EDIL3: variants seen among roughly 807,000 people sequenced by gnomAD.
EDIL3 encodes the protein EGF-like repeat and discoidin I-like domain-containing protein 3.
A neutral mutation model predicts 67.4 loss-of-function variants in EDIL3; 37 were observed. The observed-to-expected ratio is 0.55, with a 90% CI of 0.42 to 0.72. The LOEUF (loss-of-function observed/expected upper bound fraction) is 0.72, where lower values mean the gene tolerates loss of function less well. Among genes scored for constraint, EDIL3 ranks in the 30% least tolerant of loss-of-function variants. The probability of loss-of-function intolerance (pLI) is 0.00; values close to 1 mark genes in which losing one functional copy is unlikely to be tolerated. For synonymous variants in EDIL3, 195 were observed against 196.3 expected (o/e 0.99, Z 0.05); for missense variants, 527 against 586.3 (o/e 0.90, Z 1.04).
chr5:84,200,353 A>C (rs1743805870), intron 3 of EDIL3, among the ~76,000 whole-genome samples: 1 of 151,900 alleles, frequency 6.6e-6, no homozygotes, highest in Non-Finnish European at 1.5e-5. Flanking sequence ...AAAGAGTTTA[A>C]GCAATGAAGC....
At chr5:84,305,971 T>C (rs1208913532) in intron 1 of EDIL3, among the ~76,000 whole-genome samples, 1 of 152,114 alleles carries the variant, frequency 6.6e-6, no homozygotes, top group Non-Finnish European at 1.5e-5. Context: ...CTTACTTTCA[T>C]GTCATGTCCC....
chr5:84,055,616 AAAAC>A (rs1232329316), intron 9 of EDIL3, among the ~76,000 whole-genome samples: 3 of 152,186 alleles, frequency 2.0e-5, no homozygotes, highest in Admixed American at 1.3e-4. Flanking sequence ...TTACAAGAAA[AAAAC>A]AAACAACCCC....
intron 5 of EDIL3, among the ~76,000 whole-genome samples, chr5:84,119,212 GT>G (rs66522256): frequency 0.16 from 12,764 of 81,794 alleles, 582 homozygotes; most frequent in East Asian, 0.29. Context: ...CATGCATTTG[GT>G]TTTTTTTTTT....
chr5:83,943,736 A>C (rs2112109500), intron 10 of EDIL3, among the ~76,000 whole-genome samples, 168 bp from the exon 11 acceptor site: 2 of 152,224 alleles, frequency 1.3e-5, no homozygotes, highest in Middle Eastern at 3.4e-3. Context: ...ATTTTAAATT[A>C]AATGGTCAAT....
intron 9 of EDIL3, among the ~76,000 whole-genome samples, chr5:84,019,109 G>A (rs1465888803): frequency 1.3e-4 from 20 of 152,172 alleles, no homozygotes; most frequent in African/African-American, 4.3e-4. Flanking sequence ...TGTTTATTGC[G>A]GCACTATTCA....
At chr5:84,256,133 T>TATCC (rs1745118960) in intron 1 of EDIL3, among the ~76,000 whole-genome samples, 1 of 98,022 alleles carries the variant, frequency 1.0e-5, no homozygotes, top group Non-Finnish European at 2.1e-5. Context: ...TCTATCTATC[T>TATCC]ATCTATCTAT....
intron 1 of EDIL3, among the ~76,000 whole-genome samples, chr5:84,382,489 C>G (rs2112227155): frequency 6.6e-6 from 1 of 152,270 alleles, no homozygotes; most frequent in Admixed American, 6.5e-5. Flanking sequence ...CGCCCTCCAC[C>G]TCGGAGCGGG....
intron 1 of EDIL3, among the ~76,000 whole-genome samples, chr5:84,315,953 A>G (rs896612339): frequency 1.3e-5 from 2 of 152,206 alleles, no homozygotes; most frequent in African/African-American, 4.8e-5. Context: ...GGGGGCCAAT[A>G]TTCAACATTC....
chr5:84,008,896 T>C (rs1745471217), intron 9 of EDIL3, among the ~76,000 whole-genome samples: 1 of 152,188 alleles, frequency 6.6e-6, no homozygotes, highest in South Asian at 2.1e-4. Flanking sequence ...CACTGCAACC[T>C]CCGCCTCCCA....
At chr5:84,075,004 G>T (rs1746823329) in intron 6 of EDIL3, among the ~76,000 whole-genome samples, 1 of 152,186 alleles carries the variant, frequency 6.6e-6, no homozygotes, top group South Asian at 2.1e-4. Context: ...ATATACCATG[G>T]AATACTATGC....
chr5:84,003,474 G>A (rs1033161274), intron 9 of EDIL3, among the ~76,000 whole-genome samples: 6 of 152,174 alleles, frequency 3.9e-5, no homozygotes, highest in African/African-American at 1.4e-4. Context: ...CTGAGAGAGT[G>A]CATGGCTGCA....
intron 6 of EDIL3, among the ~76,000 whole-genome samples, chr5:84,072,829 G>A (rs556614543): frequency 6.6e-6 from 1 of 152,122 alleles, no homozygotes; most frequent in African/African-American, 2.4e-5. Flanking sequence ...AGTAACAGAG[G>A]GGGTGAGAAA....
intron 6 of EDIL3, among the ~76,000 whole-genome samples, chr5:84,103,394 C>T (rs1396321132): frequency 1.3e-5 from 2 of 152,018 alleles, no homozygotes; most frequent in African/African-American, 4.8e-5. Flanking sequence ...TAAAGAGCTT[C>T]TGCACAGAAA....
At chr5:84,084,793 G>T (rs1387004767) in intron 6 of EDIL3, among the ~76,000 whole-genome samples, 1 of 152,140 alleles carries the variant, frequency 6.6e-6, no homozygotes, top group Non-Finnish European at 1.5e-5. Flanking sequence ...CATTATAAAT[G>T]ATAGAGGAAC....
intron 5 of EDIL3, among the ~76,000 whole-genome samples, chr5:84,111,154 T>C (rs1345275426): frequency 1.3e-5 from 2 of 152,268 alleles, no homozygotes; most frequent in Admixed American, 6.5e-5. Flanking sequence ...CCTTCCCCCA[T>C]GATTGTAAGT....
At chr5:83,970,719 A>C (rs1744777526) in intron 9 of EDIL3, among the ~76,000 whole-genome samples, 1 of 142,666 alleles carries the variant, frequency 7.0e-6, no homozygotes, top group Non-Finnish European at 1.5e-5. Context: ...TATTTGTTTT[A>C]TAATCTATTT....
At chr5:84,173,958 C>T (rs928377504) in intron 4 of EDIL3, among the ~76,000 whole-genome samples, 1 of 152,120 alleles carries the variant, frequency 6.6e-6, no homozygotes, top group Admixed American at 6.5e-5. Flanking sequence ...CCTGCCAAAC[C>T]AAAGGTATGG....
chr5:84,316,596 C>G (rs1012272360), intron 1 of EDIL3, among the ~76,000 whole-genome samples: 18 of 151,996 alleles, frequency 1.2e-4, no homozygotes, highest in Non-Finnish European at 1.8e-4. Context: ...ACAGGAGCAC[C>G]CAGATTCATA....
intron 1 of EDIL3, among the ~76,000 whole-genome samples, chr5:84,360,200 T>C (rs564476184): frequency 1.3e-5 from 2 of 152,142 alleles, no homozygotes; most frequent in African/African-American, 4.8e-5. Flanking sequence ...GGGAAAATTA[T>C]GTTTGCTGAA....
Sources: gnomAD v4.1 joint callset for allele counts (sites outside exome capture counted in the v4.1 genomes callset) on GRCh38, gnomAD v4.1.1 for gene constraint, MANE v1.5 for transcripts, NCBI Gene and HGNC (gene_info 2026-07-23, HGNC 2026-07-21) for gene names.